Variants in KIAA1614 observed in about 807,000 individuals in gnomAD.
KIAA1614 encodes KIAA1614.
In KIAA1614, 76 loss-of-function variants were observed where a neutral mutation model predicts 88.7. That is an observed-to-expected ratio of 0.86 (90% CI 0.71 to 1.04). The LOEUF is 1.04. Among genes scored for constraint, KIAA1614 ranks in the 50% least tolerant of loss-of-function variants. The pLI, the probability that KIAA1614 is intolerant of heterozygous loss-of-function variation, is 0.00. For synonymous variants in KIAA1614, 714 were observed against 675.5 expected (o/e 1.06, Z -0.88); for missense variants, 1,553 against 1,582.5 (o/e 0.98, Z 0.32).
intron 3 of KIAA1614, among the ~76,000 whole-genome samples, chr1:180,923,437 T>C (rs1039015072): frequency 6.6e-6 from 1 of 151,958 alleles, no homozygotes; most frequent in Non-Finnish European, 1.5e-5. Flanking sequence ...GTGCCAGGAG[T>C]GGGGACCAAA....
chr1:180,929,401 G>C (rs2102265094), intron 4 of KIAA1614, among the ~76,000 whole-genome samples: 1 of 152,298 alleles, frequency 6.6e-6, no homozygotes, highest in Non-Finnish European at 1.5e-5. Flanking sequence ...CTCAGTGCAG[G>C]GTCAGGCATT....
Position 180,922,300 on chromosome 1 carries a change from G to A in KIAA1614, c.1061+4386G>A, listed in dbSNP as rs544931910. 9.8e-5 allele frequency among the ~76,000 whole-genome samples: 15 copies of A among 152,340 alleles called. No homozygotes were observed. In the East Asian group the frequency reaches 2.7e-3, roughly 27 times the overall value. ...GAGGGAAGCGCAGGGAACATCCTAG[G>A]TTGTTTATTTTCCCCTCATCGCTGT... is the stretch of plus-strand genomic sequence containing the variant. On this transcript the variant is annotated intron_variant, in intron 3 of 8. Coordinates refer to ENST00000367588, the MANE Select transcript of KIAA1614 (RefSeq NM_020950.2).
rs764216318 is a variant in KIAA1614 at position 180,938,626 on chromosome 1, T to C, written c.2833T>C (p.Ser945Pro). 14 of 1,614,002 alleles carry C rather than the reference T, an allele frequency of 8.7e-6. No individual in the cohort carries two copies. Among genetic ancestry groups the C allele is most frequent in the Admixed American group, 1.7e-5 (1 of 60,002 alleles). ...CTCCACGGGCATCACCCTCTCCCTGTCCTCAGAGGAGTCAGAGTCCAGCAA... is the reference window on the plus strand; with the variant it reads ...CTCCACGGGCATCACCCTCTCCCTGCCCTCAGAGGAGTCAGAGTCCAGCAA... The part of the protein sequence containing the change: ...INSTGITLSL[S>P]SEESESSKES... The change falls in exon 6 of 9, where the codon TCC becomes CCC. Residue 945 changes from serine to proline, a missense_variant. Coordinates refer to ENST00000367588, the MANE Select transcript of KIAA1614 (RefSeq NM_020950.2).
At chr1:180,916,038 C>A in intron 1 of KIAA1614, 116 bp from the exon 2 acceptor site, 1 of 625,500 alleles carries the variant, frequency 1.6e-6, no homozygotes. Flanking sequence ...CCTGCTCTGT[C>A]TCCAGGTTAC....
chr1:180,936,677 G>C lies in KIAA1614; in HGVS notation c.2761+7G>C. 6.8e-7 allele frequency: 1 copy of C among 1,478,408 alleles called. No homozygotes were observed. The allele number at this position is 1,478,408 out of a possible 1,614,324, so 91.6% of individuals were successfully genotyped here. A position where few individuals can be genotyped will look rare whatever the true frequency, so the allele number is the denominator to read the frequency against. ...CTGGAGAACAGCAGAGATGGTAAGG[G>C]GCTGCCGCTGGTTCCTGCCCAGCCC... On this transcript the variant is annotated splice_region_variant and intron_variant, in intron 5 of 8. Coordinates refer to ENST00000367588, the MANE Select transcript of KIAA1614 (RefSeq NM_020950.2).
rs767263860 is a variant in KIAA1614, at chr1:180,941,105, C to T, written c.2979C>T (p.Asn993=). 2 of 1,596,924 alleles carry T rather than the reference C, an allele frequency of 1.3e-6. No individual in the cohort carries two copies. The highest frequency in any genetic ancestry group is 2.7e-5 in the African/African-American group (2 of 72,858). The change falls in exon 7 of 9, where the codon AAC becomes AAT. Residue 993 remains asparagine, a synonymous_variant. Transcript: ENST00000367588. ...GSPSAAPLDQ[N]KKRSSSIAST... ...CCTCGGCTGCCCCTTTGGACCAGAA[C>T]AAGAAAAGGAGCAGCAGCATAGCCT... is the stretch of plus-strand genomic sequence containing the variant.
intron 3 of KIAA1614, 142 bp from the exon 4 acceptor site, chr1:180,928,288 G>A (rs943094287): frequency 1.9e-6 from 2 of 1,035,346 alleles, no homozygotes; most frequent in Non-Finnish European, 1.3e-6. Context: ...GGTTCCCTGT[G>A]CGTGGGTGCT....
chr1:180,934,276 G>A (rs1278518309), intron 4 of KIAA1614, among the ~76,000 whole-genome samples: 27 of 142,280 alleles, frequency 1.9e-4, no homozygotes, highest in Admixed American at 4.9e-4. Context: ...AAAAAGAAAA[G>A]AAAAGAAAAG....
chr1:180,922,946 G>A (rs1158575813), intron 3 of KIAA1614, among the ~76,000 whole-genome samples: 1 of 152,214 alleles, frequency 6.6e-6, no homozygotes, highest in South Asian at 2.1e-4. Context: ...ATAAATCGGG[G>A]TTCCCACTGT....
chr1:180,925,497 T>TA (rs1377141300), intron 3 of KIAA1614, among the ~76,000 whole-genome samples: 1 of 152,246 alleles, frequency 6.6e-6, no homozygotes, highest in African/African-American at 2.4e-5. Flanking sequence ...TTGAAAGGGT[T>TA]AAACACAGAC....
intron 2 of KIAA1614, 94 bp downstream of exon 2, chr1:180,917,194 G>A (rs577900534): frequency 2.1e-6 from 2 of 951,200 alleles, no homozygotes; most frequent in Non-Finnish European, 3.2e-6. Flanking sequence ...GAGGGAGTGG[G>A]GCAGGAAAGG....
rs1571296387 is a variant in KIAA1614 at position 180,935,427 on chromosome 1, C to T, written c.1518C>T (p.Asp506=). Residue 506 remains aspartate, a synonymous_variant, in exon 5 of 9, where the codon GAC becomes GAT. Coordinates refer to ENST00000367588, the MANE Select transcript of KIAA1614 (RefSeq NM_020950.2). This position sits in a 1 kb window ranked among gnomAD's most constrained non-coding sequence, Gnocchi z 6.1. Reference sequence around the variant, plus strand: ...TCAACGGGGCTCCCCGGCTCCGGGACGCGGGGCAGGGGACATTCCACAGGC... The same window carrying T: ...TCAACGGGGCTCCCCGGCTCCGGGATGCGGGGCAGGGGACATTCCACAGGC... ...DYINGAPRLR[D]AGQGTFHRLV... 1 of 1,472,604 alleles carries T rather than the reference C, an allele frequency of 6.8e-7. No individual in the cohort carries two copies. The highest frequency in any genetic ancestry group is 2.4e-5 in the East Asian group (1 of 41,824). The allele number at this position is 1,472,604 out of a possible 1,614,324, so 91.2% of individuals were successfully genotyped here.
chr1:180,924,176 C>A (rs1654016331), intron 3 of KIAA1614, among the ~76,000 whole-genome samples: 1 of 152,204 alleles, frequency 6.6e-6, no homozygotes, highest in Non-Finnish European at 1.5e-5. Flanking sequence ...CAATCTTTAC[C>A]AATCAAGGAG....
Position 180,934,122 on chromosome 1 carries a change from C to T in KIAA1614, c.1206-993C>T, listed in dbSNP as rs565671568. On this transcript the variant is annotated intron_variant, in intron 4 of 8. Transcript: ENST00000367588. ...ATACAAAATTAGTCGGGCGTGGTGG[C>T]GCATGCCTATAATCCCAGCTACTCG... is the stretch of plus-strand genomic sequence containing the variant. Among the ~76,000 whole-genome samples, 7 of 152,082 alleles carry T rather than the reference C, an allele frequency of 4.6e-5. No homozygotes were observed. The South Asian group carries it at 6.2e-4, about 14-fold the overall frequency.
chr1:180,941,869 G>T (rs936616895), intron 7 of KIAA1614, among the ~76,000 whole-genome samples: 1 of 152,096 alleles, frequency 6.6e-6, no homozygotes, highest in Admixed American at 6.5e-5. Context: ...CTTTTAACAC[G>T]CTTGACCCCG....
chr1:180,936,744 A>C, intron 5 of KIAA1614, 74 bp downstream of exon 5: 1 of 991,518 alleles, frequency 1.0e-6, no homozygotes, highest in Non-Finnish European at 1.4e-6. Context: ...GACCCAATCC[A>C]TGACACACAG....
rs1315598128 is a variant in KIAA1614 at position 180,924,885 on chromosome 1, A to AT, written c.1062-3545_1062-3544insT. On this transcript the variant is annotated intron_variant, in intron 3 of 8. Transcript: ENST00000367588. ...TTAACAAAACAATGGTGCTAATGAT[A>AT]AAATAATAATAATAATAATAATAAA... 9.5e-4 allele frequency among the ~76,000 whole-genome samples: 131 copies of AT among 137,994 alleles called. 2 individuals are homozygous for AT. The highest frequency in any genetic ancestry group is 3.2e-3 in the African/African-American group (122 of 38,076). The allele number at this position is 137,994 out of a possible 152,430, so 90.5% of individuals were successfully genotyped here.
At chr1:180,940,025 C>T (rs377390768) in intron 6 of KIAA1614, among the ~76,000 whole-genome samples, 1 of 152,242 alleles carries the variant, frequency 6.6e-6, no homozygotes, top group Non-Finnish European at 1.5e-5. Context: ...CTCAGAGAGA[C>T]CTTCCCCACC....
chr1:180,922,084 T>G (rs1653965329), intron 3 of KIAA1614, among the ~76,000 whole-genome samples: 1 of 152,212 alleles, frequency 6.6e-6, no homozygotes, highest in African/African-American at 2.4e-5. Context: ...CCCGAGGCCC[T>G]CGGCCTCCTC....
Sources: gnomAD v4.1 joint callset for allele counts (sites outside exome capture counted in the v4.1 genomes callset) on GRCh38, gnomAD v4.1.1 for gene constraint, Gnocchi (gnomAD v3.1) non-coding constraint, MANE v1.5 for transcripts, NCBI Gene and HGNC (gene_info 2026-07-23, HGNC 2026-07-21) for gene names.